Variants in GMDS observed in about 807,000 individuals in gnomAD.
GMDS encodes GDP-mannose 4,6-dehydratase, also known as GDP-mannose 4,6 dehydratase.
In GMDS, 20 loss-of-function variants were observed where a neutral mutation model predicts 49.9. The ratio of observed to expected loss-of-function variants is 0.40; its 90% CI spans 0.28 to 0.58. The LOEUF (loss-of-function observed/expected upper bound fraction) is 0.58, where lower values mean the gene tolerates loss of function less well. Ranked by LOEUF, GMDS falls within the 20% of genes least tolerant of loss-of-function variation. The pLI is 0.42. For synonymous variants in GMDS, 177 were observed against 178.6 expected (o/e 0.99, Z 0.07); for missense variants, 362 against 481.4 (o/e 0.75, Z 2.32).
chr6:1,858,320 A>G (rs1469194514), intron 7 of GMDS, among the ~76,000 whole-genome samples: 1 of 152,192 alleles, frequency 6.6e-6, no homozygotes, highest in Non-Finnish European at 1.5e-5. Context: ...TTAATGTTAA[A>G]ATGCCCTAGG....
chr6:1,760,698 T>C (rs1768124702), intron 7 of GMDS, among the ~76,000 whole-genome samples: 1 of 152,216 alleles, frequency 6.6e-6, no homozygotes, highest in Non-Finnish European at 1.5e-5. Flanking sequence ...CCCAGTGTCT[T>C]CATTCACAAA....
At chr6:1,899,800 C>T (rs1016543577) in intron 7 of GMDS, among the ~76,000 whole-genome samples, 2 of 151,698 alleles carry the variant, frequency 1.3e-5, no homozygotes, top group South Asian at 2.1e-4. Flanking sequence ...TGGAGACCTG[C>T]AACAGGGCAC....
intron 1 of GMDS, among the ~76,000 whole-genome samples, chr6:2,153,934 C>T (rs998912564): frequency 6.6e-6 from 1 of 151,984 alleles, no homozygotes; most frequent in African/African-American, 2.4e-5. Context: ...AGAAAACATA[C>T]CAAAAATTAT....
chr6:1,908,915 G>C (rs1020088318), intron 7 of GMDS, among the ~76,000 whole-genome samples: 1 of 152,200 alleles, frequency 6.6e-6, no homozygotes, highest in African/African-American at 2.4e-5. Context: ...CATTTTAGCT[G>C]GAGGGGGGTT....
intron 7 of GMDS, among the ~76,000 whole-genome samples, chr6:1,893,835 A>G (rs1760014720): frequency 6.6e-6 from 1 of 152,234 alleles, no homozygotes; most frequent in African/African-American, 2.4e-5. Context: ...TTTAAAAAAT[A>G]TACTGAAAAA....
chr6:1,742,341 C>G, intron 8 of GMDS, 127 bp downstream of exon 8: 3 of 636,218 alleles, frequency 4.7e-6, no homozygotes, highest in Non-Finnish European at 8.6e-6. Flanking sequence ...CCACTCTACA[C>G]TGAAACTTTC....
At chr6:1,802,086 A>C (rs1769973422) in intron 7 of GMDS, among the ~76,000 whole-genome samples, 1 of 152,282 alleles carries the variant, frequency 6.6e-6, no homozygotes. Context: ...CTAAATAGAA[A>C]AACGGAGATG....
At chr6:2,084,777 G>T (rs1772917304) in intron 4 of GMDS, among the ~76,000 whole-genome samples, 2 of 152,160 alleles carry the variant, frequency 1.3e-5, no homozygotes, top group African/African-American at 2.4e-5. Context: ...AAAGTGCTGG[G>T]ATTACAGGTG....
intron 8 of GMDS, among the ~76,000 whole-genome samples, chr6:1,738,861 A>C (rs1334379800): frequency 6.6e-6 from 1 of 152,162 alleles, no homozygotes; most frequent in Non-Finnish European, 1.5e-5. Flanking sequence ...CAGCTCCAAC[A>C]AGCCTCTAGG....
chr6:2,124,661 C>A, intron 2 of GMDS, 26 bp downstream of exon 2: 3 of 1,600,068 alleles, frequency 1.9e-6, no homozygotes, highest in Non-Finnish European at 1.7e-6. Context: ...CACCAGCCTG[C>A]GCCCGCTTCC....
intron 7 of GMDS, among the ~76,000 whole-genome samples, chr6:1,832,146 T>C (rs1041325135): frequency 6.6e-5 from 10 of 151,582 alleles, no homozygotes; most frequent in African/African-American, 2.2e-4. Flanking sequence ...CTTGAGCAAC[T>C]TGCTATATTG....
At chr6:2,241,640 G>C (rs1781618993) in intron 1 of GMDS, among the ~76,000 whole-genome samples, 1 of 151,940 alleles carries the variant, frequency 6.6e-6, no homozygotes, top group Non-Finnish European at 1.5e-5. Context: ...TTGTTAAAAA[G>C]AGCCTGGCAC....
chr6:2,055,198 T>A (rs971415273), intron 4 of GMDS, among the ~76,000 whole-genome samples: 1 of 151,048 alleles, frequency 6.6e-6, no homozygotes, highest in Non-Finnish European at 1.5e-5. Context: ...AATGAAGAGA[T>A]CTTAAGAACC....
chr6:1,750,607 G>C (rs947219863), intron 7 of GMDS, among the ~76,000 whole-genome samples: 2 of 152,080 alleles, frequency 1.3e-5, no homozygotes, highest in Non-Finnish European at 2.9e-5. Context: ...AGATTCCTTC[G>C]GGTGCCTATA....
intron 7 of GMDS, among the ~76,000 whole-genome samples, chr6:1,803,012 TA>T (rs1483945300): frequency 1.3e-5 from 2 of 152,216 alleles, no homozygotes; most frequent in Non-Finnish European, 2.9e-5. Flanking sequence ...TAAGGAGGTT[TA>T]AAAAAATCCA....
intron 7 of GMDS, among the ~76,000 whole-genome samples, chr6:1,895,611 T>G (rs1450079320): frequency 1.3e-5 from 2 of 152,242 alleles, no homozygotes; most frequent in African/African-American, 4.8e-5. Flanking sequence ...AAAGAATCTT[T>G]TATTGAACAG....
chr6:2,133,995 T>C (rs1411937478), intron 1 of GMDS, among the ~76,000 whole-genome samples: 1 of 152,208 alleles, frequency 6.6e-6, no homozygotes, highest in African/African-American at 2.4e-5. Flanking sequence ...GGTTGTGCTA[T>C]ATTGTGTATT....
At chr6:2,014,043 T>G (rs1289122640) in intron 4 of GMDS, among the ~76,000 whole-genome samples, 1 of 149,344 alleles carries the variant, frequency 6.7e-6, no homozygotes, top group Non-Finnish European at 1.5e-5. Flanking sequence ...AAAAGACAAC[T>G]GTATGAAATA....
chr6:2,039,215 T>C (rs1039108835), intron 4 of GMDS, among the ~76,000 whole-genome samples: 1 of 152,154 alleles, frequency 6.6e-6, no homozygotes, highest in Non-Finnish European at 1.5e-5. Flanking sequence ...TGAAAAATGG[T>C]ACATCCGTAT....
Sources: allele counts gnomAD v4.1 joint callset (sites outside exome capture counted in the v4.1 genomes callset), GRCh38; gene constraint gnomAD v4.1.1; transcripts MANE v1.5; gene names NCBI Gene and HGNC (gene_info 2026-07-23, HGNC 2026-07-21).